Variants in PGAP1 observed in about 807,000 individuals in gnomAD.
PGAP1 encodes the protein post-GPI attachment to proteins inositol deacylase 1.
A neutral mutation model predicts 127.0 loss-of-function variants in PGAP1; 76 were observed. That is an observed-to-expected ratio of 0.60 (90% CI 0.50 to 0.72). The LOEUF is 0.72. PGAP1 is among the 30% of genes least tolerant of loss of function. PGAP1 has a pLI of 0.00. For synonymous variants in PGAP1, 362 were observed against 366.5 expected, an observed-to-expected ratio of 0.99 and a Z score of 0.14; for missense variants, 982 against 1,071.3, an observed-to-expected ratio of 0.92 and a Z score of 1.16.
rs562784887 is a variant in PGAP1 at position 196,905,635 on chromosome 2, T to G, written c.650-2893A>C. Among the ~76,000 whole-genome samples, 9 of 152,010 alleles carry G rather than the reference T, an allele frequency of 5.9e-5. No homozygotes were observed. The South Asian group carries it at 1.5e-3, about 25-fold the overall frequency. On this transcript the variant is annotated intron_variant, in intron 4 of 26. Coordinates refer to ENST00000354764, the MANE Select transcript of PGAP1 (RefSeq NM_024989.4). ...AATAGGAACAGCTCCGGTCTACAGC[T>G]CCCAGCGTGAGCGACGCAGAAGACG...
intron 19 of PGAP1, among the ~76,000 whole-genome samples, chr2:196,865,436 T>C (rs991854571): frequency 1.3e-5 from 2 of 152,136 alleles, no homozygotes; most frequent in East Asian, 3.8e-4. Flanking sequence ...GTAGTTCTTA[T>C]CCCTATTCTA....
chr2:196,868,292 A>C (rs976398936), intron 19 of PGAP1, among the ~76,000 whole-genome samples: 5 of 152,220 alleles, frequency 3.3e-5, no homozygotes, highest in African/African-American at 1.2e-4. Context: ...CACTGTGTTT[A>C]GAATATTGTA....
chr2:196,901,688 T>C (rs907695151), intron 5 of PGAP1, among the ~76,000 whole-genome samples: 2 of 152,232 alleles, frequency 1.3e-5, no homozygotes, highest in Admixed American at 1.3e-4. Context: ...AAAGACCAAA[T>C]ACTTGATGTC....
chr2:196,847,458 CTTT>C (rs3839045), intron 21 of PGAP1: 93 of 136,294 alleles, frequency 6.8e-4, no homozygotes, highest in East Asian at 2.1e-3. Flanking sequence ...GTAATATGTT[CTTT>C]TTTTTTTTTT....
intron 24 of PGAP1, 64 bp from the exon 25 acceptor site, chr2:196,844,139 C>T: frequency 1.0e-6 from 1 of 973,226 alleles, no homozygotes; most frequent in Non-Finnish European, 1.4e-6. Flanking sequence ...TATTTAGAAT[C>T]ATACTCATTA....
intron 20 of PGAP1, among the ~76,000 whole-genome samples, chr2:196,859,899 CATT>C (rs374273206): frequency 6.6e-6 from 1 of 152,070 alleles, no homozygotes; most frequent in African/African-American, 2.4e-5. Flanking sequence ...CCACAGCTAA[CATT>C]ATACAAAATG....
At position 196,898,390 on chromosome 2, in the gene PGAP1, A is replaced by T. The variant is rs1393616987; in HGVS notation, c.808-21T>A. 4.1e-5 allele frequency: 64 copies of T among 1,568,960 alleles called. No individual in the cohort carries two copies. The Admixed American group carries it at 1.1e-3, about 27-fold the overall frequency. ...GAACTCTAAAAGAAAAGAAAAAAAT[A>T]AACTTACGAAAAGCACATTTGTTAT... is the stretch of plus-strand genomic sequence containing the variant. On this transcript the variant is annotated intron_variant, in intron 5 of 26. Transcript: ENST00000354764.
At chr2:196,922,192 T>A in intron 1 of PGAP1, 1 of 1,297,578 alleles carries the variant, frequency 7.7e-7, no homozygotes, top group Non-Finnish European at 1.0e-6. Context: ...CATCTCTACA[T>A]AAACTCAAAA....
chr2:196,912,595 A>C (rs2125834083), intron 4 of PGAP1, among the ~76,000 whole-genome samples: 1 of 151,400 alleles, frequency 6.6e-6, no homozygotes, highest in Admixed American at 6.6e-5. Context: ...AAAAAAAAAA[A>C]AAAAAAAAAA....
In PGAP1 at chr2:196,865,312, T is replaced by C. The variant is rs138628282; in HGVS notation, c.1768-232A>G. Among the ~76,000 whole-genome samples the C allele has an allele frequency of 1.4e-4, 21 of 152,302 alleles. No individual in the cohort carries two copies. In the South Asian group the frequency reaches 3.5e-3, roughly 26 times the overall value. On this transcript the variant is annotated intron_variant, in intron 19 of 26. Coordinates refer to ENST00000354764, the MANE Select transcript of PGAP1 (RefSeq NM_024989.4). ...TAACAGAACATATAATTGAGTAGCA[T>C]ATATGTCCTGAAAAACTGTTTTTCA...
chr2:196,857,545 T>C (rs1424205051), intron 20 of PGAP1, among the ~76,000 whole-genome samples: 2 of 152,194 alleles, frequency 1.3e-5, no homozygotes, highest in African/African-American at 4.8e-5. Flanking sequence ...GGGTGATTGA[T>C]CAGTGATGCT....
intron 1 of PGAP1, among the ~76,000 whole-genome samples, chr2:196,920,989 G>T (rs773012319): frequency 2.6e-4 from 40 of 151,864 alleles, no homozygotes; most frequent in Non-Finnish European, 4.9e-4. Flanking sequence ...ACACCCTTTT[G>T]CTCCTTTTCT....
At chr2:196,860,127 A>C (rs1701017709) in intron 20 of PGAP1, among the ~76,000 whole-genome samples, 1 of 152,128 alleles carries the variant, frequency 6.6e-6, no homozygotes, top group Admixed American at 6.6e-5. Context: ...AACTCCACCA[A>C]AAAAAACTGT....
At position 196,898,333 on chromosome 2, in the gene PGAP1, G is replaced by T; in HGVS notation, c.844C>A (p.His282Asn). 1 of 1,609,498 alleles carries T rather than the reference G, an allele frequency of 6.2e-7. No homozygotes were observed. The highest frequency in any genetic ancestry group is 1.1e-5 in the South Asian group (1 of 90,604). ...AVPKTWVSTD[H>N]LSIVWCKQLQ... Reference sequence around the variant, plus strand: ...TTAACTTACCACACAATGGAGAGGTGGTCTGTTGAGACCCAGGTCTTAGGC... The same window carrying T: ...TTAACTTACCACACAATGGAGAGGTTGTCTGTTGAGACCCAGGTCTTAGGC... Residue 282 changes from histidine to asparagine, a missense_variant, in exon 6 of 27, where the codon CAC becomes AAC. His to Asn is a moderately conservative substitution (Grantham distance 68). Transcript: ENST00000354764.
At chr2:196,847,230 A>C in intron 21 of PGAP1, 30 bp from the exon 22 acceptor site, 1 of 1,532,726 alleles carries the variant, frequency 6.5e-7, no homozygotes, top group Non-Finnish European at 8.9e-7. Context: ...TAAAAGCAAA[A>C]AACCCAACAA....
intron 12 of PGAP1, among the ~76,000 whole-genome samples, chr2:196,885,012 G>A (rs576440064): frequency 6.6e-6 from 1 of 152,208 alleles, no homozygotes; most frequent in Non-Finnish European, 1.5e-5. Context: ...GCTTGACCAT[G>A]TATCATATCT....
rs1385302246 is a variant in PGAP1, at chr2:196,916,381, G to A, written c.477+37C>T. The A allele has an allele frequency of 3.3e-6, 5 of 1,510,546 alleles. 1 individual carries two copies. The allele number at this position is 1,510,546 out of a possible 1,614,324, so 93.6% of individuals were successfully genotyped here. A position where few individuals can be genotyped will look rare whatever the true frequency, so the allele number is the denominator to read the frequency against. On this transcript the variant is annotated intron_variant, in intron 3 of 26. Coordinates refer to ENST00000354764, the MANE Select transcript of PGAP1 (RefSeq NM_024989.4). ...TCCCTTTTTTAAAAAGGTGCCGATAGGTTGCACCACTATTGATTTGCATAC... is the reference window on the plus strand; with the variant it reads ...TCCCTTTTTTAAAAAGGTGCCGATAAGTTGCACCACTATTGATTTGCATAC...
In PGAP1 at chr2:196,847,145, C is replaced by T. The variant is rs145715800; in HGVS notation, c.2008G>A (p.Val670Ile). 40 of 1,613,068 alleles carry T rather than the reference C, an allele frequency of 2.5e-5. No individual in the cohort carries two copies. Among genetic ancestry groups the T allele is most frequent in the African/African-American group, 1.6e-4 (12 of 74,968 alleles). Residue 670 changes from valine to isoleucine, a missense_variant, in exon 22 of 27, where the codon GTC (valine) becomes ATC (isoleucine). Physicochemically the swap from Val to Ile is conservative, Grantham distance 29. Transcript: ENST00000354764. ...DVLLLPELDA[V>I]ILTCQSMCFP... Reference sequence around the variant, plus strand: ...CACATACTCTGACAAGTTAAAATGACGGCATCTAATTCTGGTAACAATAAT... The same window carrying T: ...CACATACTCTGACAAGTTAAAATGATGGCATCTAATTCTGGTAACAATAAT...
intron 12 of PGAP1, among the ~76,000 whole-genome samples, chr2:196,883,572 C>T (rs569604393): frequency 7.9e-5 from 12 of 152,152 alleles, no homozygotes; most frequent in Non-Finnish European, 1.3e-4. Flanking sequence ...CAGCTATCCA[C>T]TCTAATGGCT....
Sources: gnomAD v4.1 joint callset for allele counts (sites outside exome capture counted in the v4.1 genomes callset) on GRCh38, gnomAD v4.1.1 for gene constraint, MANE v1.5 for transcripts, NCBI Gene and HGNC (gene_info 2026-07-23, HGNC 2026-07-21) for gene names.